Variants in MCCC2 observed in about 807,000 individuals in gnomAD.
MCCC2 encodes the protein methylcrotonyl-CoA carboxylase subunit 2, also known as methylcrotonoyl-CoA carboxylase beta chain, mitochondrial.
In MCCC2, 52 loss-of-function variants were observed where a neutral mutation model predicts 77.2. The ratio of observed to expected loss-of-function variants is 0.67; its 90% CI spans 0.54 to 0.85. The LOEUF (loss-of-function observed/expected upper bound fraction) is 0.85. MCCC2 is among the 40% of genes least tolerant of loss of function. The probability of loss-of-function intolerance (pLI) is 0.00; values close to 1 mark genes in which losing one functional copy is unlikely to be tolerated. For missense variants in MCCC2, 682 were observed against 703.2 expected, an observed-to-expected ratio of 0.97 and a Z score of 0.34; for synonymous variants, 253 against 248.4, an observed-to-expected ratio of 1.02 and a Z score of -0.18.
At chr5:71,600,927 G>A (rs1745402833) in intron 4 of MCCC2, among the ~76,000 whole-genome samples, 1 of 152,170 alleles carries the variant, frequency 6.6e-6, no homozygotes, top group Admixed American at 6.5e-5. Flanking sequence ...GCAGTGGAAG[G>A]CAAGATCTGC....
intron 6 of MCCC2, among the ~76,000 whole-genome samples, chr5:71,605,340 G>A (rs1238048282): frequency 1.3e-5 from 2 of 151,266 alleles, no homozygotes; most frequent in African/African-American, 2.4e-5. Flanking sequence ...CAGTGATGAC[G>A]AGCATTTTTT....
intron 16 of MCCC2, among the ~76,000 whole-genome samples, chr5:71,656,036 G>A (rs1049921485): frequency 5.3e-5 from 8 of 152,116 alleles, no homozygotes; most frequent in Non-Finnish European, 8.8e-5. Flanking sequence ...CCAACATGGC[G>A]AAACCCCGTC....
intron 6 of MCCC2, among the ~76,000 whole-genome samples, chr5:71,622,268 A>G (rs1398445555): frequency 1.5e-5 from 2 of 129,946 alleles, no homozygotes; most frequent in Non-Finnish European, 3.4e-5. Context: ...CGCCATCTCT[A>G]CTAAAAAAAA....
At chr5:71,638,425 C>T (rs1747004159) in intron 10 of MCCC2, among the ~76,000 whole-genome samples, 1 of 152,222 alleles carries the variant, frequency 6.6e-6, no homozygotes, top group Admixed American at 6.5e-5. Context: ...TTCTCAATGG[C>T]ATCTAGAATG....
At chr5:71,633,541 G>T (rs1746815613) in intron 8 of MCCC2, among the ~76,000 whole-genome samples, 1 of 138,906 alleles carries the variant, frequency 7.2e-6, no homozygotes, top group Non-Finnish European at 1.6e-5. Flanking sequence ...GAAATGATTG[G>T]GGGTGATGAA....
chr5:71,649,853 C>A (rs1013485002), intron 14 of MCCC2, among the ~76,000 whole-genome samples: 1 of 152,176 alleles, frequency 6.6e-6, no homozygotes, highest in African/African-American at 2.4e-5. Flanking sequence ...CCCAGAATTA[C>A]ATGGAGAACT....
intron 8 of MCCC2, among the ~76,000 whole-genome samples, chr5:71,634,625 C>A (rs964197435): frequency 1.3e-5 from 2 of 152,098 alleles, no homozygotes; most frequent in Admixed American, 1.3e-4. Flanking sequence ...TCAGCAAGGC[C>A]CCTTGGTCTA....
Position 71,635,174 on chromosome 5 carries a change from G to C in MCCC2, c.927G>C (p.Glu309Asp). Reference protein sequence around the residue: ...KLDVTIEPSEEPLFPADELYG... With the variant: ...KLDVTIEPSEDPLFPADELYG... The stretch of plus-strand genomic sequence containing the variant: ...AGGTCACCATTGAACCTTCTGAAGA[G>C]CCTTTATTTCCTGCTGATGAATTGT... The change falls in exon 10 of 17, where the codon GAG becomes GAC. Residue 309 changes from glutamate to aspartate, a missense_variant. Coordinates refer to ENST00000340941, the MANE Select transcript of MCCC2 (RefSeq NM_022132.5). The C allele has an allele frequency of 6.2e-7, 1 of 1,614,148 alleles. No homozygotes were observed. The highest frequency in any genetic ancestry group is 1.1e-5 in the South Asian group (1 of 91,084).
chr5:71,654,837 ATTTT>A (rs201819772), intron 16 of MCCC2, among the ~76,000 whole-genome samples: 2 of 140,566 alleles, frequency 1.4e-5, no homozygotes. Flanking sequence ...GGATCTGTAG[ATTTT>A]TTTTTTTTTT....
At chr5:71,612,361 G>A (rs916089783) in intron 6 of MCCC2, among the ~76,000 whole-genome samples, 1 of 152,082 alleles carries the variant, frequency 6.6e-6, no homozygotes, top group African/African-American at 2.4e-5. Flanking sequence ...CAACATAGTT[G>A]GTTGTAATTG....
intron 11 of MCCC2, among the ~76,000 whole-genome samples, chr5:71,643,159 G>C (rs1028035536): frequency 1.3e-5 from 2 of 152,158 alleles, no homozygotes; most frequent in African/African-American, 4.8e-5. Flanking sequence ...AAGGTGGGAG[G>C]ATCACTTGAG....
intron 13 of MCCC2, 112 bp downstream of exon 13, chr5:71,646,389 C>G: frequency 1.1e-6 from 1 of 908,496 alleles, no homozygotes; most frequent in South Asian, 1.4e-5. Context: ...GCAGGAAGTT[C>G]TACTGGACAT....
rs1580325381 is a variant in MCCC2 at position 71,640,933 on chromosome 5, A to G, written c.1000-70A>G. 6 of 1,339,752 alleles carry G rather than the reference A, an allele frequency of 4.5e-6. No individual in the cohort carries two copies. The East Asian group carries it at 6.9e-5, about 15-fold the overall frequency. 83.0% of individuals were successfully genotyped at this position (1,339,752 alleles called of 1,614,324 possible). ...CAACTTCACTGTGAATTGTTTTCCTATAAGTAACTTTAATACAAAAATTCT... is the reference window on the plus strand; with the variant it reads ...CAACTTCACTGTGAATTGTTTTCCTGTAAGTAACTTTAATACAAAAATTCT... On this transcript the variant is annotated intron_variant, in intron 10 of 16. Transcript: ENST00000340941.
rs550027763 is a variant in MCCC2 at position 71,632,213 on chromosome 5, G to A, written c.803+28G>A. 5.9e-5 allele frequency: 95 copies of A among 1,606,432 alleles called. 1 individual carries two copies. The highest frequency in any genetic ancestry group is 1.6e-4 in the Middle Eastern group (1 of 6,074). On this transcript the variant is annotated intron_variant, in intron 8 of 16. Transcript: ENST00000340941. Reference sequence around the variant, plus strand: ...GAAACAGAAATGGTTGTTTCTTTCCGGGATTGAGTGTCATTTTGTTTGTTT... The same window carrying A: ...GAAACAGAAATGGTTGTTTCTTTCCAGGATTGAGTGTCATTTTGTTTGTTT...
intron 6 of MCCC2, among the ~76,000 whole-genome samples, chr5:71,617,839 C>T (rs529671741): frequency 3.9e-5 from 6 of 152,262 alleles, no homozygotes; most frequent in South Asian, 2.1e-4. Context: ...CAATCATACC[C>T]GTATCGTTTT....
chr5:71,600,095 G>A (rs1745363955), intron 4 of MCCC2, among the ~76,000 whole-genome samples: 1 of 152,056 alleles, frequency 6.6e-6, no homozygotes, highest in South Asian at 2.1e-4. Flanking sequence ...AACCTGGGAG[G>A]CAGAAGTTGC....
chr5:71,630,971 TTTTC>T (rs1188979720), intron 7 of MCCC2, among the ~76,000 whole-genome samples: 1 of 152,188 alleles, frequency 6.6e-6, no homozygotes, highest in Non-Finnish European at 1.5e-5. Context: ...CTTAAATTAT[TTTTC>T]TTTCTTTTTC....
At chr5:71,634,532 G>T (rs564351569) in intron 8 of MCCC2, among the ~76,000 whole-genome samples, 1 of 152,248 alleles carries the variant, frequency 6.6e-6, no homozygotes, top group Non-Finnish European at 1.5e-5. Context: ...ACTACATCAT[G>T]AAAGTGTGCC....
chr5:71,593,014 C>T (rs750057648), intron 2 of MCCC2, 22 bp downstream of exon 2: 2 of 1,579,092 alleles, frequency 1.3e-6, no homozygotes, highest in Non-Finnish European at 1.7e-6. Flanking sequence ...ATTTATTCCA[C>T]AGCTTATGCC....
Sources: gnomAD v4.1 joint callset for allele counts (sites outside exome capture counted in the v4.1 genomes callset) on GRCh38, gnomAD v4.1.1 for gene constraint, MANE v1.5 for transcripts, NCBI Gene and HGNC (gene_info 2026-07-23, HGNC 2026-07-21) for gene names.